Variants in ZNF407 observed in about 807,000 individuals in gnomAD.
The protein encoded by ZNF407 is zinc finger protein 407.
In ZNF407, 17 loss-of-function variants were observed where a neutral mutation model predicts 131.2. The observed-to-expected ratio is 0.13, with a 90% confidence interval of 0.09 to 0.19. ZNF407 has a LOEUF of 0.19. Among genes scored for constraint, ZNF407 ranks in the 10% least tolerant of loss-of-function variants. The pLI is 1.00. For missense variants in ZNF407, 2,681 were observed against 2,830.6 expected, an observed-to-expected ratio of 0.95 and a Z score of 1.20; for synonymous variants, 1,156 against 1,062.0, an observed-to-expected ratio of 1.09 and a Z score of -1.72.
In ZNF407 at chr18:74,661,976, G is replaced by A. The variant is rs188238015; in HGVS notation, c.4802+20854G>A. ...CTGTCTCCTCAGTTGTGGGACATTC[G>A]CGTGCACTCTGATCCAGCTGAGTGC... On this transcript the variant is annotated intron_variant, in intron 3 of 8. Transcript: ENST00000299687. Among the ~76,000 whole-genome samples the A allele has an allele frequency of 4.9e-3, 736 of 151,728 alleles. 2 individuals carry two copies. The highest frequency in any genetic ancestry group is 0.013 in the African/African-American group (517 of 41,360).
At chr18:75,053,915 G>A (rs1442741892) in intron 8 of ZNF407, among the ~76,000 whole-genome samples, 1 of 152,200 alleles carries the variant, frequency 6.6e-6, no homozygotes, top group Non-Finnish European at 1.5e-5. Flanking sequence ...CTGAGGCTTT[G>A]CTTCCCCCGC....
intron 7 of ZNF407, among the ~76,000 whole-genome samples, chr18:74,901,696 A>G (rs1971527377): frequency 6.6e-6 from 1 of 150,908 alleles, no homozygotes; most frequent in Admixed American, 6.6e-5. Flanking sequence ...CTTCCTTCCA[A>G]TTCATGACTT....
chr18:74,890,076 C>T (rs756344813), intron 7 of ZNF407, 38 bp downstream of exon 7: 54 of 1,447,750 alleles, frequency 3.7e-5, no homozygotes, highest in Admixed American at 5.8e-5. Context: ...TCAGGTGGGC[C>T]GCCATGATGG....
chr18:74,623,586 G>A (rs940497657), intron 1 of ZNF407, among the ~76,000 whole-genome samples: 3 of 152,230 alleles, frequency 2.0e-5, no homozygotes, highest in East Asian at 1.9e-4. Flanking sequence ...AATTCTTCCC[G>A]AAATGCCTTC....
intron 4 of ZNF407, among the ~76,000 whole-genome samples, chr18:74,850,006 T>G (rs1243094359): frequency 6.6e-6 from 1 of 152,200 alleles, no homozygotes; most frequent in Non-Finnish European, 1.5e-5. Context: ...ATGTTAAAAT[T>G]AGAGGGAAAA....
intron 7 of ZNF407, among the ~76,000 whole-genome samples, chr18:74,910,377 G>C (rs78279021): frequency 0.017 from 2,538 of 152,028 alleles, 69 homozygotes; most frequent in African/African-American, 0.058. Context: ...ATATTTTATA[G>C]ATTCAGGTGG....
chr18:74,817,483 A>T (rs1046490577), intron 4 of ZNF407, among the ~76,000 whole-genome samples: 1 of 152,218 alleles, frequency 6.6e-6, no homozygotes, highest in African/African-American at 2.4e-5. Flanking sequence ...TCAATTTAGA[A>T]AAATATGTGT....
At chr18:74,608,062 T>G (rs748788547) in intron 1 of ZNF407, among the ~76,000 whole-genome samples, 8 of 152,346 alleles carry the variant, frequency 5.3e-5, no homozygotes, top group Non-Finnish European at 1.5e-5. Flanking sequence ...TGAAATGACT[T>G]TTTAAAACTT....
chr18:75,063,276 G>A lies in ZNF407; in HGVS notation c.5555G>A (p.Ser1852Asn). 6.2e-7 allele frequency: 1 copy of A among 1,613,720 alleles called. No homozygotes were observed. Among genetic ancestry groups the A allele is most frequent in the Non-Finnish European group, 8.5e-7 (1 of 1,179,896 alleles). ...EPLVKEKPLR[S>N]SRRPAPPPEQ... ...CTCGTCAAGGAGAAGCCCCTCAGAA[G>A]CAGCAGGAGGCCAGCGCCGCCCCCT... The change falls in exon 9 of 9, where the codon AGC (serine) becomes AAC (asparagine). Residue 1852 changes from serine (S) to asparagine (N), a missense_variant. By Grantham distance (46) the Ser-to-Asn change is conservative. This residue lies in a region of ZNF407 where 620 missense variants were observed against 583.1 expected (regional missense o/e 1.06). Transcript: ENST00000299687. This position sits in a 1 kb window ranked among gnomAD's most constrained non-coding sequence, Gnocchi z 6.6.
At chr18:74,672,485 G>GT (rs1371611679) in intron 3 of ZNF407, among the ~76,000 whole-genome samples, 18 of 150,970 alleles carry the variant, frequency 1.2e-4, no homozygotes, top group South Asian at 4.2e-4. Flanking sequence ...AGCACCGTTT[G>GT]TCTGTTCGTT....
chr18:74,880,843 G>A (rs942282685), intron 5 of ZNF407, among the ~76,000 whole-genome samples, 193 bp from the exon 6 acceptor site: 1 of 152,216 alleles, frequency 6.6e-6, no homozygotes, highest in Admixed American at 6.5e-5. Context: ...GGTCTGACAA[G>A]TATGTAATTA....
intron 1 of ZNF407, among the ~76,000 whole-genome samples, chr18:74,617,058 C>T (rs1370009264): frequency 2.1e-5 from 3 of 141,064 alleles, no homozygotes; most frequent in Non-Finnish European, 4.5e-5. Flanking sequence ...TCCATATCCA[C>T]ACACATCCAT....
chr18:74,958,472 T>A (rs1488319190), intron 8 of ZNF407, among the ~76,000 whole-genome samples: 2 of 151,872 alleles, frequency 1.3e-5, no homozygotes, highest in African/African-American at 2.4e-5. Context: ...CCCCGTCATA[T>A]ACACACCTGA....
At chr18:74,977,905 G>A (rs965878113) in intron 8 of ZNF407, among the ~76,000 whole-genome samples, 2 of 151,904 alleles carry the variant, frequency 1.3e-5, no homozygotes, top group South Asian at 2.1e-4. Context: ...TTTTTATTGG[G>A]GATTTTTAGT....
At chr18:74,705,169 A>G (rs1347554958) in intron 3 of ZNF407, among the ~76,000 whole-genome samples, 2 of 150,652 alleles carry the variant, frequency 1.3e-5, no homozygotes, top group African/African-American at 2.4e-5. Context: ...TTTAAACCAG[A>G]AAGTCCAACA....
intron 3 of ZNF407, among the ~76,000 whole-genome samples, chr18:74,699,301 A>C (rs943305060): frequency 6.6e-6 from 1 of 152,176 alleles, no homozygotes; most frequent in Non-Finnish European, 1.5e-5. Flanking sequence ...TTCCTGGTAC[A>C]GGTTTTGTTT....
At chr18:74,748,090 C>T (rs1475773361) in intron 3 of ZNF407, among the ~76,000 whole-genome samples, 4 of 151,924 alleles carry the variant, frequency 2.6e-5, no homozygotes, top group South Asian at 2.1e-4. Context: ...AAAAAATGTG[C>T]TTAGTATGTT....
chr18:74,873,345 G>C (rs150771030), intron 4 of ZNF407, among the ~76,000 whole-genome samples: 221 of 152,234 alleles, frequency 1.5e-3, no homozygotes, highest in Middle Eastern at 0.014. Flanking sequence ...ATCATATAAT[G>C]AGAGAATTTC....
At chr18:74,704,289 G>T (rs1299695982) in intron 3 of ZNF407, among the ~76,000 whole-genome samples, 4 of 152,214 alleles carry the variant, frequency 2.6e-5, no homozygotes, top group Admixed American at 6.5e-5. Context: ...AGGACATGGT[G>T]CAGGCTACAT....
Sources: gnomAD v4.1 joint callset for allele counts (sites outside exome capture counted in the v4.1 genomes callset) on GRCh38, gnomAD v4.1.1 for gene constraint, gnomAD v4.1.1 regional missense constraint, Gnocchi (gnomAD v3.1) non-coding constraint, MANE v1.5 for transcripts, NCBI Gene and HGNC (gene_info 2026-07-23, HGNC 2026-07-21) for gene names.